Variants in SLC25A26 observed in about 807,000 individuals in gnomAD.
SLC25A26 encodes the protein solute carrier family 25 member 26.
In SLC25A26, 36 loss-of-function variants were observed where a neutral mutation model predicts 37.8. That is an observed-to-expected ratio of 0.95 (90% CI 0.73 to 1.26). The LOEUF (loss-of-function observed/expected upper bound fraction) is 1.26, where lower values mean the gene tolerates loss of function less well. Among genes scored for constraint, SLC25A26 ranks in the 50% most tolerant of loss-of-function variants. The pLI is 0.00. For missense variants in SLC25A26, 390 were observed against 331.1 expected (o/e 1.18, Z -1.38); for synonymous variants, 129 against 122.5 (o/e 1.05, Z -0.35).
intron 5 of SLC25A26, among the ~76,000 whole-genome samples, chr3:66,313,241 A>G (rs2075434527): frequency 6.6e-6 from 1 of 152,102 alleles, no homozygotes; most frequent in Non-Finnish European, 1.5e-5. Context: ...ATTTTCTTCT[A>G]GAGTTTTTAT....
chr3:66,214,003 G>A (rs1348395855), intron 1 of SLC25A26, among the ~76,000 whole-genome samples: 2 of 152,136 alleles, frequency 1.3e-5, no homozygotes, highest in Admixed American at 1.3e-4. Context: ...AAAATGATCA[G>A]TAATGCAAAA....
At chr3:66,176,872 G>A (rs564865313) in intron 1 of SLC25A26, among the ~76,000 whole-genome samples, 3 of 152,286 alleles carry the variant, frequency 2.0e-5, no homozygotes, top group East Asian at 3.9e-4. Context: ...CTGGGAAATC[G>A]ACCTTCTTCC....
chr3:66,376,572 T>A (rs1490740352), intron 9 of SLC25A26, among the ~76,000 whole-genome samples: 1 of 152,242 alleles, frequency 6.6e-6, no homozygotes, highest in Non-Finnish European at 1.5e-5. Flanking sequence ...TTAAGGTATG[T>A]ACAATTTTTA....
intron 6 of SLC25A26, among the ~76,000 whole-genome samples, chr3:66,346,761 T>TGTGTGTGTGTGTGTG (rs1575594080): frequency 1.4e-5 from 2 of 142,232 alleles, no homozygotes; most frequent in Non-Finnish European, 3.1e-5. Flanking sequence ...TGTGTGTGTG[T>TGTGTGTGTGTGTGTG]TTAGAAGTTA....
At chr3:66,251,494 G>A (rs1360910814) in intron 3 of SLC25A26, among the ~76,000 whole-genome samples, 1 of 152,128 alleles carries the variant, frequency 6.6e-6, no homozygotes, top group African/African-American at 2.4e-5. Context: ...GGAGTCTACC[G>A]AGCTAAGTTG....
At chr3:66,341,551 T>C (rs1311613361) in intron 5 of SLC25A26, among the ~76,000 whole-genome samples, 3 of 152,120 alleles carry the variant, frequency 2.0e-5, no homozygotes, top group African/African-American at 7.2e-5. Flanking sequence ...ATGTACTGAG[T>C]TGTGTTTGGA....
intron 3 of SLC25A26, 44 bp downstream of exon 3, chr3:66,243,356 T>A (rs781850027): frequency 4.3e-6 from 4 of 924,954 alleles, no homozygotes; most frequent in Non-Finnish European, 7.0e-6. Flanking sequence ...GAAATGCACA[T>A]CATGCATATA....
At chr3:66,198,178 G>T (rs1033227119) in intron 1 of SLC25A26, among the ~76,000 whole-genome samples, 8 of 152,076 alleles carry the variant, frequency 5.3e-5, no homozygotes, top group Non-Finnish European at 8.8e-5. Flanking sequence ...GTCAGCTTCA[G>T]GATCACTGTC....
At chr3:66,292,587 G>C (rs1031046057) in intron 5 of SLC25A26, among the ~76,000 whole-genome samples, 1 of 152,120 alleles carries the variant, frequency 6.6e-6, no homozygotes, top group Admixed American at 6.6e-5. Context: ...GAAATTCTGG[G>C]TTGAAAATTC....
intron 1 of SLC25A26, among the ~76,000 whole-genome samples, chr3:66,142,300 G>T (rs1323166923): frequency 6.6e-6 from 1 of 152,146 alleles, no homozygotes; most frequent in Non-Finnish European, 1.5e-5. Flanking sequence ...CCAGGCCATC[G>T]CATGTATCAG....
At chr3:66,321,707 T>TG (rs1212266899) in intron 5 of SLC25A26, among the ~76,000 whole-genome samples, 2 of 151,934 alleles carry the variant, frequency 1.3e-5, no homozygotes. Flanking sequence ...AAAGTTTTCT[T>TG]GGGGGGTTGT....
At chr3:66,284,915 A>T (rs1465445969) in intron 5 of SLC25A26, among the ~76,000 whole-genome samples, 4 of 152,134 alleles carry the variant, frequency 2.6e-5, no homozygotes, top group African/African-American at 9.7e-5. Context: ...TTTCAACATA[A>T]AAGGATAGGA....
intron 3 of SLC25A26, among the ~76,000 whole-genome samples, chr3:66,253,365 G>C (rs1241189253): frequency 1.3e-5 from 2 of 150,362 alleles, no homozygotes; most frequent in African/African-American, 4.9e-5. Flanking sequence ...TCGCGCCACT[G>C]CACTCCAGCC....
intron 5 of SLC25A26, among the ~76,000 whole-genome samples, chr3:66,300,112 GC>G (rs1347690125): frequency 2.0e-5 from 3 of 152,096 alleles, no homozygotes; most frequent in Admixed American, 2.0e-4. Flanking sequence ...TTTTCAAAAT[GC>G]CCGTGTAAAA....
At chr3:66,267,523 G>A (rs1453235190) in intron 5 of SLC25A26, among the ~76,000 whole-genome samples, 1 of 152,188 alleles carries the variant, frequency 6.6e-6, no homozygotes, top group Non-Finnish European at 1.5e-5. Flanking sequence ...CTGGAGTCTG[G>A]AGGATAACTT....
chr3:66,272,616 T>A (rs2073996329), intron 5 of SLC25A26, among the ~76,000 whole-genome samples: 1 of 152,078 alleles, frequency 6.6e-6, no homozygotes, highest in Non-Finnish European at 1.5e-5. Flanking sequence ...CTGAGGGACC[T>A]CCTGTGATCA....
At chr3:66,244,218 A>T (rs955079911) in intron 3 of SLC25A26, among the ~76,000 whole-genome samples, 1 of 152,246 alleles carries the variant, frequency 6.6e-6, no homozygotes, top group African/African-American at 2.4e-5. Flanking sequence ...TTAGGAAAAA[A>T]TACGTAAGGC....
At chr3:66,208,972 G>GTA (rs1417828057) in intron 1 of SLC25A26, among the ~76,000 whole-genome samples, 49,496 of 75,342 alleles carry the variant, frequency 0.66, 17,205 homozygotes, top group Middle Eastern at 0.82. Context: ...ATATAAAGGT[G>GTA]TGTATATATA....
chr3:66,144,242 G>A (rs1016608756), intron 1 of SLC25A26, among the ~76,000 whole-genome samples: 12 of 152,140 alleles, frequency 7.9e-5, no homozygotes, highest in Non-Finnish European at 1.8e-4. Flanking sequence ...AAGCCTGCAA[G>A]TTCAGGAACC....
Sources: allele counts gnomAD v4.1 joint callset (sites outside exome capture counted in the v4.1 genomes callset), GRCh38; gene constraint gnomAD v4.1.1; transcripts MANE v1.5; gene names NCBI Gene and HGNC (gene_info 2026-07-23, HGNC 2026-07-21).